Variants in FANCA observed in about 807,000 individuals in gnomAD.
FANCA encodes the protein Fanconi anemia group A protein.
In FANCA, 236 loss-of-function variants were observed where a neutral mutation model predicts 194.3. That is an observed-to-expected ratio of 1.21 (90% CI 1.09 to 1.35). FANCA has a LOEUF of 1.35. Among genes scored for constraint, FANCA ranks in the 40% most tolerant of loss-of-function variants. The pLI is 0.00. For missense variants in FANCA, 2,628 were observed against 1,813.9 expected (o/e 1.45, Z -8.15); for synonymous variants, 1,014 against 715.8 (o/e 1.42, Z -6.65).
chr16:89,748,267 C>T (rs2038459467), intron 33 of FANCA, among the ~76,000 whole-genome samples: 1 of 152,214 alleles, frequency 6.6e-6, no homozygotes. Flanking sequence ...GATAACTGGG[C>T]TGCCTGGCAG....
At chr16:89,764,184 G>A (rs780682108) in intron 28 of FANCA, among the ~76,000 whole-genome samples, 1 of 152,222 alleles carries the variant, frequency 6.6e-6, no homozygotes, top group Admixed American at 6.5e-5. Flanking sequence ...AGAGGCTGCA[G>A]TGAGCCAAGA....
At chr16:89,798,271 C>A in intron 10 of FANCA, 1 of 920,048 alleles carries the variant, frequency 1.1e-6, no homozygotes, top group Non-Finnish European at 1.3e-6. Context: ...GCCTCCACTG[C>A]TGTGAGAACA....
chr16:89,752,057 A>C (rs2038613615), intron 31 of FANCA, 81 bp downstream of exon 31: 1 of 1,281,254 alleles, frequency 7.8e-7, no homozygotes, highest in South Asian at 1.2e-5. Flanking sequence ...GGCGTGAGCC[A>C]CCGCGCCTGG....
intron 3 of FANCA, among the ~76,000 whole-genome samples, chr16:89,813,366 C>T (rs1188656883): frequency 1.3e-5 from 2 of 151,372 alleles, no homozygotes; most frequent in East Asian, 1.9e-4. Flanking sequence ...CGTGATTGCA[C>T]CACGGCTCTC....
intron 33 of FANCA, among the ~76,000 whole-genome samples, chr16:89,747,298 G>A (rs1025677331): frequency 3.3e-5 from 5 of 152,184 alleles, no homozygotes; most frequent in East Asian, 1.9e-4. Flanking sequence ...CGGCTGTCAC[G>A]TGCCAACTGA....
At chr16:89,780,303 TAG>T (rs1434484062) in intron 17 of FANCA, among the ~76,000 whole-genome samples, 1 of 151,500 alleles carries the variant, frequency 6.6e-6, no homozygotes, top group Non-Finnish European at 1.5e-5. Flanking sequence ...TGGGAAGGAG[TAG>T]AGACTTAATT....
intron 33 of FANCA, among the ~76,000 whole-genome samples, chr16:89,748,228 A>G (rs2038458181): frequency 6.6e-6 from 1 of 152,174 alleles, no homozygotes; most frequent in Admixed American, 6.5e-5. Context: ...TCACCCTGCA[A>G]CTCACGCTGG....
chr16:89,771,594 G>C, intron 23 of FANCA, 84 bp downstream of exon 23: 3 of 1,502,728 alleles, frequency 2.0e-6, no homozygotes, highest in Non-Finnish European at 2.8e-6. Context: ...AACAGAAATT[G>C]AGAGAAGGCT....
chr16:89,795,152 G>A (rs1300118198), intron 11 of FANCA, among the ~76,000 whole-genome samples: 1 of 151,644 alleles, frequency 6.6e-6, no homozygotes, highest in Admixed American at 6.6e-5. Context: ...GGGCATGGTG[G>A]CACATGCCCG....
rs201901337 is a variant in FANCA, at chr16:89,814,578, G to A, written c.225C>T (p.Ser75=). ...CAGAACTGTCACAGTCAATCACTTT[G>A]CTGAGAGACAATTTTTTACACAGTG... ...EGPLCKKLSL[S]KVIDCDSSEA... is the part of the protein sequence containing the mutation. Residue 75 remains serine (S), a synonymous_variant, in exon 3 of 43, where the codon AGC becomes AGT. Coordinates refer to ENST00000389301, the MANE Select transcript of FANCA (RefSeq NM_000135.4). The A allele has an allele frequency of 1.2e-6, 2 of 1,613,880 alleles. No homozygotes were observed. Among genetic ancestry groups the A allele is most frequent in the African/African-American group, 2.7e-5 (2 of 75,040 alleles).
At chr16:89,749,380 A>T (rs2038501956) in intron 32 of FANCA, among the ~76,000 whole-genome samples, 1 of 151,950 alleles carries the variant, frequency 6.6e-6, no homozygotes, top group Non-Finnish European at 1.5e-5. Flanking sequence ...ACCTAGCTAA[A>T]TTTTTTTGTA....
At chr16:89,791,583 C>T (rs1162198895) in intron 13 of FANCA, 47 bp from the exon 14 acceptor site, 4 of 1,611,398 alleles carry the variant, frequency 2.5e-6, no homozygotes, top group Non-Finnish European at 3.4e-6. Context: ...GGGCAGCCAG[C>T]AGGAACATGA....
chr16:89,748,780 G>C lies in FANCA; in HGVS notation c.3240-13C>G. The C allele has an allele frequency of 6.2e-7, 1 of 1,610,020 alleles. No individual in the cohort carries two copies. The highest frequency in any genetic ancestry group is 8.5e-7 in the Non-Finnish European group (1 of 1,176,926). Reference sequence around the variant, plus strand: ...GCGGAGGAGGATCCTGGAAAGAAGGGGCTGTATTGGTGGCGACAGCACAGC... The same window carrying C: ...GCGGAGGAGGATCCTGGAAAGAAGGCGCTGTATTGGTGGCGACAGCACAGC... On this transcript the variant is annotated splice_polypyrimidine_tract_variant and intron_variant, in intron 32 of 42. Coordinates refer to ENST00000389301, the MANE Select transcript of FANCA (RefSeq NM_000135.4).
In FANCA at chr16:89,773,353, G is replaced by C. The variant is rs1598116392; in HGVS notation, c.1932C>G (p.Asn644Lys). ...GCTGTCCCAGGGGCTCCTCAGCAGAGTTGGGTTCTGCCCTCACTCCCAGGG... is the reference window on the plus strand; with the variant it reads ...GCTGTCCCAGGGGCTCCTCAGCAGACTTGGGTTCTGCCCTCACTCCCAGGG... ...DAALGVRAEP[N>K]SAEEPLGQLT... Residue 644 changes from asparagine (N) to lysine (K), a missense_variant, in exon 22 of 43, where the codon AAC becomes AAG. Physicochemically the swap from Asn to Lys is moderately conservative, Grantham distance 94. Coordinates refer to ENST00000389301, the MANE Select transcript of FANCA (RefSeq NM_000135.4). The C allele has an allele frequency of 1.3e-6, 2 of 1,551,578 alleles. No homozygotes were observed. The highest frequency in any genetic ancestry group is 1.2e-5 in the South Asian group (1 of 84,066).
intron 1 of FANCA, 181 bp downstream of exon 1, chr16:89,816,356 A>C (rs1213306193): frequency 1.5e-5 from 5 of 337,730 alleles, no homozygotes; most frequent in Non-Finnish European, 2.5e-5. Context: ...GCCCAGGCGC[A>C]GGAGGGGCCG....
intron 8 of FANCA, 146 bp downstream of exon 8, chr16:89,803,113 C>T (rs1408927487): frequency 8.8e-6 from 7 of 799,200 alleles, no homozygotes; most frequent in Non-Finnish European, 1.3e-5. Context: ...TTGATCATTA[C>T]ACTCTATGCA....
At chr16:89,765,297 T>A (rs2039088899) in intron 27 of FANCA, among the ~76,000 whole-genome samples, 1 of 150,930 alleles carries the variant, frequency 6.6e-6, no homozygotes, top group South Asian at 2.1e-4. Flanking sequence ...GGGACCTCAG[T>A]CCAGCCCTTG....
intron 33 of FANCA, among the ~76,000 whole-genome samples, chr16:89,748,132 G>A (rs1026683132): frequency 2.0e-5 from 3 of 152,110 alleles, no homozygotes; most frequent in Admixed American, 6.5e-5. Flanking sequence ...GGCTGGTCTC[G>A]AACTCCTGGG....
chr16:89,772,617 A>C (rs2039363506), intron 22 of FANCA, among the ~76,000 whole-genome samples: 2 of 152,210 alleles, frequency 1.3e-5, no homozygotes, highest in South Asian at 4.1e-4. Context: ...AGGATTTCAA[A>C]ACCAGCCTGG....
Sources: allele counts gnomAD v4.1 joint callset (sites outside exome capture counted in the v4.1 genomes callset), GRCh38; gene constraint gnomAD v4.1.1; transcripts MANE v1.5; gene names NCBI Gene and HGNC (gene_info 2026-07-23, HGNC 2026-07-21).